The following TMPRSS5 variants were observed in gnomAD, a reference collection of about 807,000 sequenced individuals.
TMPRSS5 encodes transmembrane protease serine 5.
TMPRSS5 carries 45 observed loss-of-function variants against 59.7 expected under a neutral mutation model. That is an observed-to-expected ratio of 0.75 (90% CI 0.59 to 0.97). The LOEUF (loss-of-function observed/expected upper bound fraction) is 0.97, where lower values mean the gene tolerates loss of function less well. TMPRSS5 is among the 50% of genes least tolerant of loss of function. The pLI is 0.00. For synonymous variants in TMPRSS5, 225 were observed against 232.0 expected, an observed-to-expected ratio of 0.97 and a Z score of 0.27; for missense variants, 585 against 596.7, an observed-to-expected ratio of 0.98 and a Z score of 0.20.
At chr11:113,691,128 C>T in intron 9 of TMPRSS5, 189 bp from the exon 10 acceptor site, 2 of 588,858 alleles carry the variant, frequency 3.4e-6, no homozygotes, top group East Asian at 2.9e-5. Flanking sequence ...TTTGGGGTCC[C>T]CTGTCACAGA....
Position 113,699,276 on chromosome 11 carries a change from T to TCCCCC in TMPRSS5, c.206-250_206-249insGGGGG, listed in dbSNP as rs1555025732. ...CTCTCTCTCTCTCTCTCTCTCCCTC[T>TCCCCC]CTCTCTCTCTCTCTCTGTCTCTCTC... On this transcript the variant is annotated intron_variant, in intron 3 of 12. Coordinates refer to ENST00000299882, the MANE Select transcript of TMPRSS5 (RefSeq NM_030770.4). 1.5e-3 allele frequency among the ~76,000 whole-genome samples: 138 copies of TCCCCC among 92,960 alleles called. 12 individuals carry two copies. In the East Asian group the frequency reaches 0.025, roughly 17 times the overall value. The allele number at this position is 92,960 out of a possible 152,430, so 61.0% of individuals were successfully genotyped here.
Position 113,688,029 on chromosome 11 carries a change from C to T in TMPRSS5, c.*231G>A, listed in dbSNP as rs895963977. 5 of 533,416 alleles carry T rather than the reference C, an allele frequency of 9.4e-6. No individual in the cohort carries two copies. The African/African-American group carries it at 9.8e-5, about 10-fold the overall frequency. 33.0% of individuals were successfully genotyped at this position (533,416 alleles called of 1,614,324 possible). A position where few individuals can be genotyped will look rare whatever the true frequency, so the allele number is the denominator to read the frequency against. On this transcript the variant is annotated 3_prime_UTR_variant, in exon 13 of 13. Transcript: ENST00000299882. ...GCCCAACCAAGTCCCAGCCTCTCTTCTGTCATTGAGTCTCTAGTGAGAAAG... is the reference window on the plus strand; with the variant it reads ...GCCCAACCAAGTCCCAGCCTCTCTTTTGTCATTGAGTCTCTAGTGAGAAAG...
chr11:113,704,929 A>T (rs1953249420), intron 1 of TMPRSS5, among the ~76,000 whole-genome samples: 7 of 152,176 alleles, frequency 4.6e-5, no homozygotes, highest in Admixed American at 4.6e-4. Flanking sequence ...AATGTGAATT[A>T]AAATGACTTT....
intron 10 of TMPRSS5, among the ~76,000 whole-genome samples, chr11:113,690,609 A>T (rs912110731): frequency 6.6e-6 from 1 of 151,994 alleles, no homozygotes; most frequent in Non-Finnish European, 1.5e-5. Flanking sequence ...CGCTCCTGGG[A>T]CAAGGGGAGG....
At position 113,698,942 on chromosome 11, in the gene TMPRSS5, G is replaced by T; in HGVS notation, c.291C>A (p.Ser97Arg). ...EEITLSCSEA[S>R]AEEALLPALP... ...GTGCAGGGAGCAGAGCTTCCTCAGC[G>T]CTGGCCTCTGAGCAGCTCAAAGTTA... Residue 97 changes from serine to arginine, a missense_variant, in exon 4 of 13, where the codon AGC becomes AGA. Transcript: ENST00000299882. The T allele has an allele frequency of 6.3e-7, 1 of 1,596,584 alleles. No individual in the cohort carries two copies. The highest frequency in any genetic ancestry group is 1.7e-5 in the Admixed American group (1 of 57,672).
At position 113,693,228 on chromosome 11, in the gene TMPRSS5, G is replaced by T; in HGVS notation, c.807C>A (p.Ser269=). The T allele has an allele frequency of 1.3e-6, 2 of 1,573,994 alleles. No individual in the cohort carries two copies. Among genetic ancestry groups the T allele is most frequent in the Non-Finnish European group, 8.6e-7 (1 of 1,158,196 alleles). ...CCAGCCCCGCATGAACCCGCCAGCT[G>T]GACAGGCGGGCCAGCCTGAAACTGC... ...CMHSFRLARL[S]SWRVHAGLVS... is the part of the protein sequence containing the mutation. The change falls in exon 9 of 13, where the codon TCC becomes TCA. Residue 269 remains serine, a synonymous_variant. Coordinates refer to ENST00000299882, the MANE Select transcript of TMPRSS5 (RefSeq NM_030770.4).
At chr11:113,701,730 C>T (rs180758378) in intron 1 of TMPRSS5, among the ~76,000 whole-genome samples, 20 of 151,998 alleles carry the variant, frequency 1.3e-4, no homozygotes, top group African/African-American at 4.1e-4. Context: ...TATTAGAGTT[C>T]CCTTTTTTAT....
chr11:113,688,126 C>T lies in TMPRSS5; in HGVS notation c.*134G>A. ...GGCTGGCCAGTGGGTAGTGACTGTT[C>T]CTCACACACAGTAGTAGGAGGTCCA... On this transcript the variant is annotated 3_prime_UTR_variant, in exon 13 of 13. Coordinates refer to ENST00000299882, the MANE Select transcript of TMPRSS5 (RefSeq NM_030770.4). 4 of 1,360,360 alleles carry T rather than the reference C, an allele frequency of 2.9e-6. No individual in the cohort carries two copies. The highest frequency in any genetic ancestry group is 3.8e-6 in the Non-Finnish European group (4 of 1,048,194). The allele number at this position is 1,360,360 out of a possible 1,614,324, so 84.3% of individuals were successfully genotyped here.
rs1267882694 is a variant in TMPRSS5, at chr11:113,695,456, G to A, written c.579-13C>T. ...AGTGCAGTTGTTCCTGCAAAACAGA[G>A]GTACCAACAAGAAGCTGGGCAGGGG... On this transcript the variant is annotated splice_polypyrimidine_tract_variant and intron_variant, in intron 6 of 12. Coordinates refer to ENST00000299882, the MANE Select transcript of TMPRSS5 (RefSeq NM_030770.4). The A allele has an allele frequency of 1.9e-5, 31 of 1,613,748 alleles. No individual in the cohort carries two copies. The highest frequency in any genetic ancestry group is 2.6e-5 in the Non-Finnish European group (31 of 1,179,846).
At chr11:113,693,533 C>A in intron 8 of TMPRSS5, 1 of 286,420 alleles carries the variant, frequency 3.5e-6, no homozygotes, top group Non-Finnish European at 6.5e-6. Flanking sequence ...AACTTCCCTC[C>A]AAGTTTTATA....
At position 113,699,619 on chromosome 11, in the gene TMPRSS5, C is replaced by T; in HGVS notation, c.181G>A (p.Ala61Thr). 6.3e-7 allele frequency: 1 copy of T among 1,580,600 alleles called. No homozygotes were observed. The highest frequency in any genetic ancestry group is 8.6e-7 in the Non-Finnish European group (1 of 1,163,942). Residue 61 changes from alanine to threonine, a missense_variant, in exon 3 of 13, where the codon GCA becomes ACA. Ala to Thr is a moderately conservative substitution (Grantham distance 58). Coordinates refer to ENST00000299882, the MANE Select transcript of TMPRSS5 (RefSeq NM_030770.4). ...CCTAGGAGCCATGAGCCAACACCTG[C>T]ACCGGCCAGCAGCCCCAGGGCTCCC... is the stretch of plus-strand genomic sequence containing the variant. ...VLGALGLLAGAGVGSWLLVLY... is the reference protein window; with the variant it reads ...VLGALGLLAGTGVGSWLLVLY...
rs1952959788 is a variant in TMPRSS5, at chr11:113,697,372, C to T, written c.375G>A (p.Val125=). 1 of 1,613,736 alleles carries T rather than the reference C, an allele frequency of 6.2e-7. No individual in the cohort carries two copies. Among genetic ancestry groups the T allele is most frequent in the Admixed American group, 1.7e-5 (1 of 60,004 alleles). Residue 125 remains valine (V), a synonymous_variant, in exon 5 of 13, where the codon GTG becomes GTA. Coordinates refer to ENST00000299882, the MANE Select transcript of TMPRSS5 (RefSeq NM_030770.4). ...NSEDFLLEAQ[V]RDQPRWLLVC... is the part of the protein sequence containing the mutation. ...CCAGGAGCCAGCGTGGCTGATCCCT[C>T]ACTTGCGCTTCCAGCAAGAAGTCTT...
At chr11:113,703,764 T>C (rs892946647) in intron 1 of TMPRSS5, among the ~76,000 whole-genome samples, 1 of 152,216 alleles carries the variant, frequency 6.6e-6, no homozygotes, top group Non-Finnish European at 1.5e-5. Context: ...TTTCCCCCTT[T>C]ACTCTGCACT....
chr11:113,694,733 C>T lies in TMPRSS5; in HGVS notation c.623-93G>A, dbSNP rs927797443. ...GGAAGCGTGGCCCAGTGCTAAGCCC[C>T]AGAGAGCCAGTGTGGACAGCTCTCC... On this transcript the variant is annotated intron_variant, in intron 7 of 12. Transcript: ENST00000299882. 2.1e-5 allele frequency: 26 copies of T among 1,267,768 alleles called. No homozygotes were observed. The Admixed American group carries it at 6.8e-4, about 33-fold the overall frequency. 78.5% of individuals were successfully genotyped at this position (1,267,768 alleles called of 1,614,324 possible).
chr11:113,694,792 G>A (rs1175041995), intron 7 of TMPRSS5, among the ~76,000 whole-genome samples, 152 bp from the exon 8 acceptor site: 1 of 152,198 alleles, frequency 6.6e-6, no homozygotes, highest in African/African-American at 2.4e-5. Context: ...TGGGGGATGG[G>A]AAGGTAGAAG....
At chr11:113,693,033 T>G in intron 9 of TMPRSS5, 38 bp downstream of exon 9, 1 of 850,220 alleles carries the variant, frequency 1.2e-6, no homozygotes, top group Non-Finnish European at 1.8e-6. Flanking sequence ...TCTCTCGCCA[T>G]AGTCTCCAGC....
At chr11:113,696,828 C>T (rs1315656510) in intron 6 of TMPRSS5, 30 bp downstream of exon 6, 93 of 1,472,722 alleles carry the variant, frequency 6.3e-5, no homozygotes, top group Non-Finnish European at 8.5e-5. Flanking sequence ...GTAAGGGACC[C>T]CACTCACCTA....
chr11:113,690,180 T>TCCCCCCCCC, intron 11 of TMPRSS5, 51 bp downstream of exon 11: 1 of 187,986 alleles, frequency 5.3e-6, no homozygotes, highest in Non-Finnish European at 8.9e-6. Context: ...CCCCCTGCCC[T>TCCCCCCCCC]CCCACCCCCA....
At chr11:113,702,255 T>C (rs370104391) in intron 1 of TMPRSS5, among the ~76,000 whole-genome samples, 1 of 152,348 alleles carries the variant, frequency 6.6e-6, no homozygotes, top group East Asian at 1.9e-4. Flanking sequence ...AACATATGTG[T>C]GCATGTGTCT....
Sources: allele counts gnomAD v4.1 joint callset (sites outside exome capture counted in the v4.1 genomes callset), GRCh38; gene constraint gnomAD v4.1.1; transcripts MANE v1.5; gene names NCBI Gene and HGNC (gene_info 2026-07-23, HGNC 2026-07-21).